The following SEMA3D variants were observed in gnomAD, a reference collection of about 807,000 sequenced individuals.
The protein encoded by SEMA3D is semaphorin 3D, also known as semaphorin-3D.
Under a neutral mutation model 100.1 loss-of-function variants are expected in SEMA3D, and 84 were observed. The observed-to-expected ratio is 0.84, with a 90% CI of 0.70 to 1.01. The LOEUF is 1.01. SEMA3D is among the 50% of genes least tolerant of loss of function. The pLI is 0.00. For synonymous variants in SEMA3D, 312 were observed against 320.7 expected (o/e 0.97, Z 0.29); for missense variants, 875 against 934.1 (o/e 0.94, Z 0.82).
chr7:85,044,551 T>C (rs555408605), intron 9 of SEMA3D, among the ~76,000 whole-genome samples: 92 of 152,228 alleles, frequency 6.0e-4, no homozygotes, highest in Non-Finnish European at 1.2e-3. Flanking sequence ...AACTAAAAAT[T>C]GGCACTTAAG....
chr7:85,107,556 C>G (rs980093050), intron 3 of SEMA3D, among the ~76,000 whole-genome samples: 6 of 152,080 alleles, frequency 3.9e-5, no homozygotes, highest in Non-Finnish European at 7.4e-5. Context: ...ACCCCATCAT[C>G]TCTCCCAAGT....
chr7:85,024,977 T>C (rs1319371601), intron 12 of SEMA3D, among the ~76,000 whole-genome samples: 2 of 151,988 alleles, frequency 1.3e-5, no homozygotes, highest in African/African-American at 4.8e-5. Flanking sequence ...AGGGAAATGA[T>C]ACATCTAAAG....
In SEMA3D at chr7:85,097,970, G is replaced by T. The variant is rs766482734; in HGVS notation, c.152-5C>A. The T allele has an allele frequency of 2.0e-5, 29 of 1,465,178 alleles. No homozygotes were observed. The East Asian group carries it at 6.5e-4, about 33-fold the overall frequency. 90.8% of individuals were successfully genotyped at this position (1,465,178 alleles called of 1,614,324 possible). On this transcript the variant is annotated splice_polypyrimidine_tract_variant and splice_region_variant and intron_variant, in intron 3 of 18. Coordinates refer to ENST00000284136, the MANE Select transcript of SEMA3D (RefSeq NM_001384900.1). ...AGCTATTTGAAAGCAGCAAGTCTAT[G>T]GAAAGCAAAAAAAGAAAAGAAAGGA...
At chr7:85,207,780 T>C in the SEMA3D span, among the ~76,000 whole-genome samples, 1 of 152,038 alleles carries the variant, frequency 6.6e-6, no homozygotes, top group Non-Finnish European at 1.5e-5. Context: ...CTTTAATCAT[T>C]AAAAAATTAA....
At chr7:85,076,126 G>C (rs17159605) in intron 5 of SEMA3D, among the ~76,000 whole-genome samples, 2,982 of 152,252 alleles carry the variant, frequency 0.02, 105 homozygotes, top group African/African-American at 0.068. Context: ...ATCATTGCAT[G>C]TGACCAAACA....
At chr7:85,242,860 A>G in the SEMA3D span, among the ~76,000 whole-genome samples, 8 of 152,160 alleles carry the variant, frequency 5.3e-5, no homozygotes, top group Admixed American at 1.3e-4. Context: ...ATGAAACAAA[A>G]CCTGATTTTT....
intron 17 of SEMA3D, among the ~76,000 whole-genome samples, chr7:85,010,139 A>G (rs1789911680): frequency 6.6e-6 from 1 of 151,816 alleles, no homozygotes; most frequent in Admixed American, 6.6e-5. Flanking sequence ...TCAGGTACAG[A>G]GGACAATGAA....
chr7:85,009,761 G>A (rs1789900485), intron 17 of SEMA3D, among the ~76,000 whole-genome samples: 1 of 151,714 alleles, frequency 6.6e-6, no homozygotes, highest in Non-Finnish European at 1.5e-5. Context: ...ACTTTCTCCT[G>A]AAGGTATAGC....
At chr7:85,043,487 TAAATC>T (rs980046513) in intron 9 of SEMA3D, among the ~76,000 whole-genome samples, 1 of 152,172 alleles carries the variant, frequency 6.6e-6, no homozygotes, top group African/African-American at 2.4e-5. Flanking sequence ...CATAAACACT[TAAATC>T]AATTACACGA....
chr7:85,101,737 T>C (rs1788748960), intron 3 of SEMA3D, among the ~76,000 whole-genome samples: 1 of 152,062 alleles, frequency 6.6e-6, no homozygotes, highest in Non-Finnish European at 1.5e-5. Context: ...ACTCATATAG[T>C]TCTCATGATG....
chr7:85,240,908 A>G, the SEMA3D span, among the ~76,000 whole-genome samples: 40 of 152,292 alleles, frequency 2.6e-4, no homozygotes, highest in East Asian at 7.5e-3. Context: ...AATCTTCACA[A>G]TCTATTCATC....
chr7:85,247,078 A>G, the SEMA3D span, among the ~76,000 whole-genome samples: 1 of 152,152 alleles, frequency 6.6e-6, no homozygotes, highest in Non-Finnish European at 1.5e-5. Context: ...GGAGCATGAG[A>G]CCAGGAAGGA....
Position 84,999,660 on chromosome 7 carries a change from A to G in SEMA3D, c.2114T>C (p.Leu705Pro). 1.9e-6 allele frequency: 3 copies of G among 1,614,064 alleles called. No individual in the cohort carries two copies. Among genetic ancestry groups the G allele is most frequent in the Non-Finnish European group, 2.5e-6 (3 of 1,179,992 alleles). ...AEHEEGKVKD[L>P]LAESRLRYKD... The stretch of plus-strand genomic sequence containing the variant: ...GTATCTCAACCGTGACTCAGCCAAT[A>G]GATCCTTGACCTTCCCCTCCTCATG... Residue 705 changes from leucine (L) to proline (P), a missense_variant, in exon 19 of 19, where the codon CTA becomes CCA. Transcript: ENST00000284136.
chr7:85,117,425 T>G (rs1389792682), intron 3 of SEMA3D, among the ~76,000 whole-genome samples: 1 of 152,164 alleles, frequency 6.6e-6, no homozygotes, highest in African/African-American at 2.4e-5. Context: ...GTTATCCAAA[T>G]TACATTTTGG....
At chr7:85,114,402 T>A (rs1789179195) in intron 3 of SEMA3D, among the ~76,000 whole-genome samples, 1 of 152,144 alleles carries the variant, frequency 6.6e-6, no homozygotes, top group Non-Finnish European at 1.5e-5. Flanking sequence ...AAATGAAGAC[T>A]CTGCATTCTT....
the SEMA3D span, among the ~76,000 whole-genome samples, chr7:85,210,521 G>A: frequency 6.6e-6 from 1 of 151,948 alleles, no homozygotes; most frequent in East Asian, 1.9e-4. Flanking sequence ...TGTAACTAGA[G>A]TCAAAGCATA....
chr7:85,130,844 C>G (rs1789707388), intron 2 of SEMA3D, among the ~76,000 whole-genome samples: 1 of 152,076 alleles, frequency 6.6e-6, no homozygotes, highest in East Asian at 1.9e-4. Flanking sequence ...TGGGACATGT[C>G]AAAACACACT....
intron 2 of SEMA3D, among the ~76,000 whole-genome samples, chr7:85,128,885 T>A (rs1259929024): frequency 3.8e-4 from 1 of 2,624 alleles, no homozygotes; most frequent in Non-Finnish European, 6.7e-4. Flanking sequence ...ATTTTTTTCC[T>A]TTTTTTTTTT....
In SEMA3D at chr7:85,022,498, C is replaced by T. The variant is rs200304765; in HGVS notation, c.1307G>A (p.Gly436Glu). The T allele has an allele frequency of 4.2e-5, 67 of 1,612,292 alleles. No homozygotes were observed. Among genetic ancestry groups the T allele is most frequent in the Non-Finnish European group, 5.1e-5 (60 of 1,178,848 alleles). Reference protein sequence around the residue: ...VMYKSVYPVAGGPTFKRINVD... With the variant: ...VMYKSVYPVAEGPTFKRINVD... Reference sequence around the variant, plus strand: ...ATTGATTCTCTTGAACGTTGGTCCTCCTGCAACTGGGTATACGGACTTATA... The same window carrying T: ...ATTGATTCTCTTGAACGTTGGTCCTTCTGCAACTGGGTATACGGACTTATA... The change falls in exon 13 of 19, where the codon GGA becomes GAA. Residue 436 changes from glycine (G) to glutamate (E), a missense_variant. By Grantham distance (98) the Gly-to-Glu change is moderately conservative. Coordinates refer to ENST00000284136, the MANE Select transcript of SEMA3D (RefSeq NM_001384900.1).
Sources: allele counts gnomAD v4.1 joint callset (sites outside exome capture counted in the v4.1 genomes callset), GRCh38; gene constraint gnomAD v4.1.1; transcripts MANE v1.5; gene names NCBI Gene and HGNC (gene_info 2026-07-23, HGNC 2026-07-21).